GARRE1: variants seen among roughly 807,000 people sequenced by gnomAD.
GARRE1 encodes the protein granule associated Rac and RHOG effector 1.
GARRE1 carries 49 observed loss-of-function variants against 103.2 expected under a neutral mutation model. The ratio of observed to expected loss-of-function variants is 0.47; its 90% CI spans 0.38 to 0.60. GARRE1 has a LOEUF of 0.60. GARRE1 is among the 20% of genes least tolerant of loss of function. GARRE1 has a pLI of 0.00. For missense variants in GARRE1, 1,199 were observed against 1,370.5 expected (o/e 0.87, Z 1.98); for synonymous variants, 505 against 532.8 (o/e 0.95, Z 0.72).
At chr19:34,351,141 A>G (rs1368844645) in intron 12 of GARRE1, among the ~76,000 whole-genome samples, 6 of 151,068 alleles carry the variant, frequency 4.0e-5, no homozygotes, top group Non-Finnish European at 8.9e-5. Flanking sequence ...AGAGTTTGCA[A>G]TGAGCTGAGA....
At chr19:34,338,637 A>T (rs2074171480) in intron 8 of GARRE1, among the ~76,000 whole-genome samples, 1 of 152,122 alleles carries the variant, frequency 6.6e-6, no homozygotes, top group Non-Finnish European at 1.5e-5. Context: ...CAGGAAAGAG[A>T]AATTCGGGCA....
rs541780806 is a variant in GARRE1, at chr19:34,286,420, C to T, written c.-795-13259C>T. 6.6e-5 allele frequency among the ~76,000 whole-genome samples: 10 copies of T among 152,010 alleles called. 1 individual carries two copies. The South Asian group carries it at 1.7e-3, about 25-fold the overall frequency. On this transcript the variant is annotated intron_variant, in intron 1 of 13. Transcript: ENST00000299505. ...ATTTTTAGTAGAGACAGGGTTTCAC[C>T]GTGTTAGCCAGGATGGTCTCGATCT...
chr19:34,342,593 G>C, intron 10 of GARRE1, 138 bp downstream of exon 10: 1 of 775,046 alleles, frequency 1.3e-6, no homozygotes, highest in Non-Finnish European at 2.1e-6. Flanking sequence ...TCTCACTGTG[G>C]AGGCAAGTAT....
chr19:34,297,266 C>T (rs568942520), intron 1 of GARRE1, among the ~76,000 whole-genome samples: 32 of 150,870 alleles, frequency 2.1e-4, no homozygotes, highest in Non-Finnish European at 3.8e-4. Context: ...CCAGACTGGG[C>T]GACAGAGCAC....
chr19:34,299,380 G>A (rs1352153089), intron 1 of GARRE1, among the ~76,000 whole-genome samples: 1 of 152,180 alleles, frequency 6.6e-6, no homozygotes, highest in Non-Finnish European at 1.5e-5. Context: ...TCTTCAAAGA[G>A]GAAAGGAGAA....
rs545626716 is a variant in GARRE1 at position 34,296,594 on chromosome 19, G to A, written c.-795-3085G>A. 1.9e-6 allele frequency: 3 copies of A among 1,541,910 alleles called. No homozygotes were observed. In the South Asian group the frequency reaches 3.3e-5, roughly 17 times the overall value. On this transcript the variant is annotated intron_variant, in intron 1 of 13. Coordinates refer to ENST00000299505, the MANE Select transcript of GARRE1 (RefSeq NM_014686.5). ...CCTGCATCTTCTTGAGGCCCTTCTT[G>A]TGCTTCTTGGCAAAGTGCATGTTCC...
chr19:34,330,453 T>C, intron 7 of GARRE1, 106 bp downstream of exon 7: 5 of 1,183,392 alleles, frequency 4.2e-6, no homozygotes, highest in Non-Finnish European at 6.0e-6. Flanking sequence ...ATTTAAAAAG[T>C]TATTTGGTGC....
intron 7 of GARRE1, 135 bp downstream of exon 7, chr19:34,330,482 C>A: frequency 2.4e-6 from 2 of 831,438 alleles, no homozygotes; most frequent in Non-Finnish European, 3.7e-6. Flanking sequence ...TTAGACCAGG[C>A]AGGTAGACAA....
At position 34,341,982 on chromosome 19, in the gene GARRE1, A is replaced by T; in HGVS notation, c.2048A>T (p.Lys683Met). The change falls in exon 10 of 14, where the codon AAG becomes ATG. Residue 683 changes from lysine to methionine, a missense_variant. Physicochemically the swap from Lys to Met is moderately conservative, Grantham distance 95 (BLOSUM62 -1). Transcript: ENST00000299505. ...SAATAMVTEQ[K>M]AGAMQPQQPS... ...GCCACAGCCATGGTGACTGAGCAGA[A>T]GGCAGGAGCCATGCAACCACAGCAG... is the stretch of plus-strand genomic sequence containing the variant. 1 of 1,614,178 alleles carries T rather than the reference A, an allele frequency of 6.2e-7. No individual in the cohort carries two copies. Among genetic ancestry groups the T allele is most frequent in the Non-Finnish European group, 8.5e-7 (1 of 1,180,032 alleles).
In GARRE1 at chr19:34,339,939, A is replaced by T; in HGVS notation, c.1434A>T (p.Leu478=). The T allele has an allele frequency of 6.2e-7, 1 of 1,613,988 alleles. No individual in the cohort carries two copies. The highest frequency in any genetic ancestry group is 8.5e-7 in the Non-Finnish European group (1 of 1,179,974). The change falls in exon 9 of 14, where the codon CTA becomes CTT. Residue 478 remains leucine (L), a synonymous_variant. Transcript: ENST00000299505. ...TTGATCCTGAGAAGACCCTGGGTCT[A>T]GTGGACGTGCTCTACACAGCTGTGC... ...RSLDPEKTLG[L]VDVLYTAVLD...
chr19:34,346,291 C>T (rs902672360), intron 10 of GARRE1, among the ~76,000 whole-genome samples: 2 of 152,076 alleles, frequency 1.3e-5, no homozygotes, highest in African/African-American at 4.8e-5. Context: ...CTGTAAACGC[C>T]ATCTGTGCTT....
chr19:34,262,868 A>G (rs1173041055), intron 1 of GARRE1, among the ~76,000 whole-genome samples: 1 of 152,188 alleles, frequency 6.6e-6, no homozygotes, highest in Admixed American at 6.5e-5. Context: ...GTGTTTTTCT[A>G]ATTTTAAAAA....
At chr19:34,314,544 C>T (rs560410818) in intron 2 of GARRE1, among the ~76,000 whole-genome samples, 1 of 152,190 alleles carries the variant, frequency 6.6e-6, no homozygotes, top group Non-Finnish European at 1.5e-5. Context: ...AATATGAGCT[C>T]AGAAACTGCC....
At chr19:34,351,442 C>A in intron 12 of GARRE1, 72 bp from the exon 13 acceptor site, 1 of 1,164,494 alleles carries the variant, frequency 8.6e-7, no homozygotes, top group Non-Finnish European at 1.3e-6. Flanking sequence ...GAGCCTAGCA[C>A]TAGTGTGTAC....
intron 1 of GARRE1, among the ~76,000 whole-genome samples, chr19:34,297,342 A>G (rs1056040690): frequency 6.6e-6 from 1 of 152,198 alleles, no homozygotes; most frequent in Non-Finnish European, 1.5e-5. Flanking sequence ...GAATTTGGTG[A>G]AATAGTATAA....
chr19:34,268,778 C>G (rs903085241), intron 1 of GARRE1, among the ~76,000 whole-genome samples: 3 of 151,788 alleles, frequency 2.0e-5, no homozygotes, highest in Admixed American at 2.0e-4. Flanking sequence ...CTGGGCAACA[C>G]AGTGAGACTC....
At chr19:34,298,910 C>G (rs2073962200) in intron 1 of GARRE1, among the ~76,000 whole-genome samples, 2 of 152,144 alleles carry the variant, frequency 1.3e-5, no homozygotes, top group African/African-American at 2.4e-5. Flanking sequence ...TTGAACCTAT[C>G]CAGAGTCAGG....
chr19:34,295,979 A>G (rs111342800), intron 1 of GARRE1, among the ~76,000 whole-genome samples: 4 of 152,288 alleles, frequency 2.6e-5, no homozygotes, highest in African/African-American at 9.6e-5. Context: ...CTGTAGATGT[A>G]TGGGTTTATT....
intron 2 of GARRE1, among the ~76,000 whole-genome samples, chr19:34,310,538 C>G (rs328413): frequency 0.52 from 79,135 of 152,116 alleles, 22,188 homozygotes; most frequent in Admixed American, 0.63. Context: ...CCTGAGCACC[C>G]TTGCTCGCAC....
Sources: allele counts gnomAD v4.1 joint callset (sites outside exome capture counted in the v4.1 genomes callset), GRCh38; gene constraint gnomAD v4.1.1; transcripts MANE v1.5; gene names NCBI Gene and HGNC (gene_info 2026-07-23, HGNC 2026-07-21).